The following FSIP1 variants were observed in gnomAD, a reference collection of about 807,000 sequenced individuals.
FSIP1 encodes the protein fibrous sheath interacting protein 1, also known as fibrous sheath-interacting protein 1.
FSIP1 carries 65 observed loss-of-function variants against 60.9 expected under a neutral mutation model. The observed-to-expected ratio is 1.07, with a 90% CI of 0.87 to 1.31. The LOEUF (loss-of-function observed/expected upper bound fraction) is 1.31, where lower values mean the gene tolerates loss of function less well. FSIP1 is among the 40% of genes most tolerant of loss of function. FSIP1 has a pLI of 0.00. For synonymous variants in FSIP1, 209 were observed against 221.2 expected (o/e 0.94, Z 0.49); for missense variants, 675 against 665.5 (o/e 1.01, Z -0.16).
At chr15:39,609,266 A>G (rs906026553) in intron 11 of FSIP1, among the ~76,000 whole-genome samples, 1 of 152,204 alleles carries the variant, frequency 6.6e-6, no homozygotes, top group African/African-American at 2.4e-5. Context: ...TGCAGGAAGT[A>G]TAGTCAACTG....
intron 10 of FSIP1, among the ~76,000 whole-genome samples, chr15:39,651,212 C>G (rs1313314026): frequency 6.6e-6 from 1 of 152,170 alleles, no homozygotes; most frequent in African/African-American, 2.4e-5. Context: ...GTAGGGTTTC[C>G]TAAGTTAACA....
intron 10 of FSIP1, among the ~76,000 whole-genome samples, chr15:39,673,241 C>A (rs1488534393): frequency 6.6e-6 from 1 of 152,202 alleles, no homozygotes; most frequent in African/African-American, 2.4e-5. Context: ...GCAACACAGT[C>A]TCATAAAAGC....
intron 10 of FSIP1, among the ~76,000 whole-genome samples, chr15:39,694,050 A>G (rs1566888304): frequency 1.3e-5 from 2 of 152,206 alleles, no homozygotes; most frequent in Non-Finnish European, 2.9e-5. Flanking sequence ...CCCTATAAAT[A>G]TATTCAACTA....
At chr15:39,659,386 C>A (rs975756282) in intron 10 of FSIP1, among the ~76,000 whole-genome samples, 1 of 151,726 alleles carries the variant, frequency 6.6e-6, no homozygotes, top group Non-Finnish European at 1.5e-5. Context: ...ACTAAAAATA[C>A]GAAAAATTAG....
intron 9 of FSIP1, among the ~76,000 whole-genome samples, chr15:39,717,586 C>G (rs1047862497): frequency 6.6e-6 from 1 of 152,208 alleles, no homozygotes; most frequent in African/African-American, 2.4e-5. Context: ...TATCAGGTAT[C>G]CCTTTTCAAT....
At chr15:39,732,661 AAAC>A (rs1172612809) in intron 8 of FSIP1, among the ~76,000 whole-genome samples, 1 of 152,078 alleles carries the variant, frequency 6.6e-6, no homozygotes, top group Admixed American at 6.5e-5. Flanking sequence ...CTACTAAAAA[AAAC>A]AACTAGAGAA....
chr15:39,731,092 G>A (rs1896386969), intron 8 of FSIP1, among the ~76,000 whole-genome samples: 1 of 152,056 alleles, frequency 6.6e-6, no homozygotes, highest in Non-Finnish European at 1.5e-5. Flanking sequence ...CTAAAAATAG[G>A]GGGAAAGTGG....
chr15:39,716,125 T>C (rs1021353576), intron 9 of FSIP1, among the ~76,000 whole-genome samples: 1 of 152,090 alleles, frequency 6.6e-6, no homozygotes, highest in Non-Finnish European at 1.5e-5. Flanking sequence ...GGAAATCTAA[T>C]GTTAGGGGGA....
At chr15:39,743,444 A>G (rs1187966383) in intron 5 of FSIP1, among the ~76,000 whole-genome samples, 2 of 152,202 alleles carry the variant, frequency 1.3e-5, no homozygotes, top group Non-Finnish European at 2.9e-5. Context: ...GGAAAAAAAA[A>G]ACATTTTCTG....
At chr15:39,689,031 T>C (rs1243468012) in intron 10 of FSIP1, among the ~76,000 whole-genome samples, 3 of 152,230 alleles carry the variant, frequency 2.0e-5, no homozygotes. Flanking sequence ...CTCTCTGACC[T>C]GGACTCTCTG....
intron 11 of FSIP1, among the ~76,000 whole-genome samples, chr15:39,605,350 C>T (rs973650179): frequency 6.6e-6 from 1 of 152,130 alleles, no homozygotes; most frequent in African/African-American, 2.4e-5. Flanking sequence ...AAAAAACTCC[C>T]CAGATGATCT....
At chr15:39,776,216 G>GGGAGGGAGGGAGGGAGGGAGGGAGGGAC in intron 2 of FSIP1, among the ~76,000 whole-genome samples, 183 bp downstream of exon 2, 1 of 105,364 alleles carries the variant, frequency 9.5e-6, no homozygotes, top group Admixed American at 1.2e-4. Flanking sequence ...GAGGGAGGGA[G>GGGAGGGAGGGAGGGAGGGAGGGAGGGAC]GGAAGGAATG....
chr15:39,711,871 G>C (rs1895529302), intron 10 of FSIP1, among the ~76,000 whole-genome samples: 1 of 151,544 alleles, frequency 6.6e-6, no homozygotes. Context: ...TATTTTAGTG[G>C]ATACGGGGTT....
At chr15:39,609,347 C>T (rs1454429476) in intron 11 of FSIP1, among the ~76,000 whole-genome samples, 1 of 152,198 alleles carries the variant, frequency 6.6e-6, no homozygotes, top group Admixed American at 6.5e-5. Flanking sequence ...CTTCCCCAGG[C>T]CAGGCAGCAA....
intron 10 of FSIP1, among the ~76,000 whole-genome samples, chr15:39,651,235 C>T (rs1380490642): frequency 6.6e-6 from 1 of 152,204 alleles, no homozygotes; most frequent in Non-Finnish European, 1.5e-5. Flanking sequence ...TCTTAAATTT[C>T]TTAAGCTTCC....
intron 5 of FSIP1, among the ~76,000 whole-genome samples, chr15:39,750,859 G>A (rs914510536): frequency 6.6e-6 from 1 of 151,786 alleles, no homozygotes; most frequent in African/African-American, 2.4e-5. Flanking sequence ...CCTACAGATT[G>A]GGAAAAACAT....
intron 10 of FSIP1, among the ~76,000 whole-genome samples, chr15:39,648,890 T>G (rs1892745631): frequency 6.6e-6 from 1 of 152,186 alleles, no homozygotes; most frequent in Non-Finnish European, 1.5e-5. Context: ...ATCTTTATTT[T>G]ATATCATTAT....
intron 10 of FSIP1, among the ~76,000 whole-genome samples, chr15:39,684,683 G>A (rs1894294367): frequency 6.6e-6 from 1 of 152,184 alleles, no homozygotes; most frequent in African/African-American, 2.4e-5. Context: ...AACTCCTCTA[G>A]TAAGTGGCCT....
intron 10 of FSIP1, among the ~76,000 whole-genome samples, chr15:39,636,369 C>A (rs2411316): frequency 0.16 from 24,716 of 152,120 alleles, 2,223 homozygotes; most frequent in African/African-American, 0.21. Context: ...AGTCTTGCAA[C>A]TTTTTAGCAC....
Sources: gnomAD v4.1 joint callset for allele counts (sites outside exome capture counted in the v4.1 genomes callset) on GRCh38, gnomAD v4.1.1 for gene constraint, MANE v1.5 for transcripts, NCBI Gene and HGNC (gene_info 2026-07-23, HGNC 2026-07-21) for gene names.